SYK: variants seen among roughly 807,000 people sequenced by gnomAD.
SYK encodes the protein tyrosine-protein kinase SYK.
SYK carries 16 observed loss-of-function variants against 77.8 expected under a neutral mutation model. The ratio of observed to expected loss-of-function variants is 0.21; its 90% CI spans 0.14 to 0.31. SYK has a LOEUF of 0.31. Among genes scored for constraint, SYK ranks in the 10% least tolerant of loss-of-function variants. The pLI is 1.00. For missense variants in SYK, 529 were observed against 814.4 expected (o/e 0.65, Z 4.26); for synonymous variants, 312 against 308.7 (o/e 1.01, Z -0.11).
At chr9:90,845,618 A>G in intron 3 of SYK, 24 bp downstream of exon 3, 1 of 1,606,700 alleles carries the variant, frequency 6.2e-7, no homozygotes, top group Admixed American at 1.7e-5. Context: ...CTTCCCCCTC[A>G]CCTCCTGCCA....
rs1302553724 is a variant in SYK at position 90,817,882 on chromosome 9, T to TGTGTGTGTGTGTGA, written c.-42+15990_-42+15991insTGTGTGTGTGTGAG. On this transcript the variant is annotated intron_variant, in intron 1 of 13. Transcript: ENST00000375754. Reference sequence around the variant, plus strand: ...GTGTGTGTGTGTGTGTGTGTGTGTGTGAGAGAGAGAGAGAGAGAGAGAGAG... The same window carrying TGTGTGTGTGTGTGA: ...GTGTGTGTGTGTGTGTGTGTGTGTGTGTGTGTGTGTGTGAGAGAGAGAGAGAGAGAGAGAGAGAG... 3.2e-3 allele frequency among the ~76,000 whole-genome samples: 212 copies of TGTGTGTGTGTGTGA among 66,862 alleles called. 2 individuals carry two copies. In the East Asian group the frequency reaches 0.044, roughly 14 times the overall value. 43.9% of individuals were successfully genotyped at this position (66,862 alleles called of 152,430 possible). A position where few individuals can be genotyped will look rare whatever the true frequency, so the allele number is the denominator to read the frequency against.
rs780009805 is a variant in SYK, at chr9:90,888,541, T to C, written c.1749T>C (p.Ala583=). The change falls in exon 13 of 14, where the codon GCT becomes GCC. Residue 583 remains alanine, a synonymous_variant. Transcript: ENST00000375754. ...GGATGAAAGGAAGTGAAGTCACCGCTATGTTAGAGAAAGGAGAGCGGATGG... is the reference window on the plus strand; with the variant it reads ...GGATGAAAGGAAGTGAAGTCACCGCCATGTTAGAGAAAGGAGAGCGGATGG... The part of the protein sequence containing the change: ...YRGMKGSEVT[A]MLEKGERMGC... 14 of 1,612,366 alleles carry C rather than the reference T, an allele frequency of 8.7e-6. 1 individual carries two copies. In the South Asian group the frequency reaches 1.4e-4, roughly 17 times the overall value.
At chr9:90,885,402 T>G (rs1828524844) in intron 11 of SYK, among the ~76,000 whole-genome samples, 1 of 151,960 alleles carries the variant, frequency 6.6e-6, no homozygotes, top group South Asian at 2.1e-4. Flanking sequence ...CATCCCAAAC[T>G]CCACCAATAG....
intron 11 of SYK, among the ~76,000 whole-genome samples, chr9:90,880,760 G>A (rs866842391): frequency 2.0e-5 from 3 of 152,358 alleles, no homozygotes; most frequent in South Asian, 2.1e-4. Flanking sequence ...GGTTCAGTGC[G>A]TCTGCTCACA....
At chr9:90,816,517 T>C (rs1230993782) in intron 1 of SYK, among the ~76,000 whole-genome samples, 1 of 152,226 alleles carries the variant, frequency 6.6e-6, no homozygotes, top group Non-Finnish European at 1.5e-5. Flanking sequence ...GGCCCAGTAA[T>C]ACTTAAAAAT....
chr9:90,828,439 G>T (rs1825755891), intron 1 of SYK, among the ~76,000 whole-genome samples: 1 of 151,736 alleles, frequency 6.6e-6, no homozygotes, highest in African/African-American at 2.4e-5. Context: ...TTGGTTGTTT[G>T]TGTTTTTCCC....
intron 1 of SYK, among the ~76,000 whole-genome samples, chr9:90,821,722 A>T (rs1186710139): frequency 6.6e-6 from 1 of 152,104 alleles, no homozygotes; most frequent in Non-Finnish European, 1.5e-5. Flanking sequence ...ATTATAAGTA[A>T]GTGTCTTTTT....
chr9:90,808,825 C>T (rs73503952), intron 1 of SYK, among the ~76,000 whole-genome samples: 1 of 152,198 alleles, frequency 6.6e-6, no homozygotes, highest in Non-Finnish European at 1.5e-5. Flanking sequence ...ACCCCCCACA[C>T]TGCTGCCTGC....
intron 1 of SYK, among the ~76,000 whole-genome samples, chr9:90,816,435 G>T (rs1193861454): frequency 6.6e-6 from 1 of 152,186 alleles, no homozygotes; most frequent in East Asian, 1.9e-4. Context: ...GGACACGTCT[G>T]CCACCTCTGA....
chr9:90,887,778 G>A lies in SYK; in HGVS notation c.1611G>A (p.Lys537=), dbSNP rs777963150. 1.2e-6 allele frequency: 2 copies of A among 1,612,924 alleles called. No homozygotes were observed. Among genetic ancestry groups the A allele is most frequent in the East Asian group, 4.5e-5 (2 of 44,790 alleles). The change falls in exon 12 of 14, where the codon AAG becomes AAA. Residue 537 remains lysine, a synonymous_variant. Transcript: ENST00000375754. The part of the protein sequence containing the change: ...KAQTHGKWPV[K]WYAPECINYY... ...AGACCCATGGAAAGTGGCCTGTCAAGTGGTACGCTCCGGAATGCATCAACT... is the reference window on the plus strand; with the variant it reads ...AGACCCATGGAAAGTGGCCTGTCAAATGGTACGCTCCGGAATGCATCAACT...
chr9:90,826,045 A>G (rs929312846), intron 1 of SYK, among the ~76,000 whole-genome samples: 2 of 152,196 alleles, frequency 1.3e-5, no homozygotes, highest in Non-Finnish European at 2.9e-5. Context: ...TGATGCTGAC[A>G]TTGCTGGTCC....
At chr9:90,876,879 C>A (rs1827956352) in intron 9 of SYK, among the ~76,000 whole-genome samples, 1 of 152,148 alleles carries the variant, frequency 6.6e-6, no homozygotes. Context: ...TTATGAAAGG[C>A]ATTTTATATT....
chr9:90,858,148 G>A (rs1827115518), intron 3 of SYK, among the ~76,000 whole-genome samples: 1 of 152,192 alleles, frequency 6.6e-6, no homozygotes, highest in Non-Finnish European at 1.5e-5. Flanking sequence ...GGGTGCAGGA[G>A]AGTAGAGGAG....
rs566484581 is a variant in SYK at position 90,833,339 on chromosome 9, G to A, written c.-41-10519G>A. ...AGGCAGTAGAGAACAAAATGTAAAC[G>A]TACTTACACTAATGGAGTGTCTATT... On this transcript the variant is annotated intron_variant, in intron 1 of 13. Coordinates refer to ENST00000375754, the MANE Select transcript of SYK (RefSeq NM_003177.7). Among the ~76,000 whole-genome samples, 33 of 152,326 alleles carry A rather than the reference G, an allele frequency of 2.2e-4. No individual in the cohort carries two copies. The East Asian group carries it at 4.6e-3, about 21-fold the overall frequency.
At chr9:90,826,554 C>T (rs1825673400) in intron 1 of SYK, among the ~76,000 whole-genome samples, 1 of 152,206 alleles carries the variant, frequency 6.6e-6, no homozygotes, top group African/African-American at 2.4e-5. Context: ...CTGAACACTT[C>T]CCTCGCGAGG....
At chr9:90,883,455 T>C (rs1353782585) in intron 11 of SYK, among the ~76,000 whole-genome samples, 2 of 152,136 alleles carry the variant, frequency 1.3e-5, no homozygotes, top group African/African-American at 2.4e-5. Flanking sequence ...CCACCACTGC[T>C]GAGGGCTGCT....
intron 1 of SYK, among the ~76,000 whole-genome samples, chr9:90,827,946 A>G (rs1825714107): frequency 6.7e-6 from 1 of 150,146 alleles, no homozygotes; most frequent in Non-Finnish European, 1.5e-5. Flanking sequence ...ACCCACAATT[A>G]TTTTTTAACT....
chr9:90,874,550 C>A, intron 8 of SYK, 122 bp from the exon 9 acceptor site: 1 of 1,275,204 alleles, frequency 7.8e-7, no homozygotes, highest in Non-Finnish European at 1.1e-6. Flanking sequence ...TTCAGAATTT[C>A]TCATCCCTTG....
intron 11 of SYK, among the ~76,000 whole-genome samples, chr9:90,884,480 C>CATAT (rs1419366044): frequency 3.5e-4 from 2 of 5,750 alleles, no homozygotes; most frequent in South Asian, 7.8e-3. Context: ...CATATACATA[C>CATAT]ACACACATAC....
Sources: allele counts gnomAD v4.1 joint callset (sites outside exome capture counted in the v4.1 genomes callset), GRCh38; gene constraint gnomAD v4.1.1; transcripts MANE v1.5; gene names NCBI Gene and HGNC (gene_info 2026-07-23, HGNC 2026-07-21).